The following TOGARAM1 variants were observed in gnomAD, a reference collection of about 807,000 sequenced individuals.
TOGARAM1 encodes the protein TOG array regulator of axonemal microtubules protein 1.
A neutral mutation model predicts 166.6 loss-of-function variants in TOGARAM1; 100 were observed. The observed-to-expected ratio is 0.60, with a 90% CI of 0.51 to 0.71. The LOEUF (loss-of-function observed/expected upper bound fraction) is 0.71, where lower values mean the gene tolerates loss of function less well. TOGARAM1 is among the 30% of genes least tolerant of loss of function. The probability of loss-of-function intolerance (pLI) is 0.00; values close to 1 mark genes in which losing one functional copy is unlikely to be tolerated. For missense variants in TOGARAM1, 2,029 were observed against 2,102.7 expected (o/e 0.96, Z 0.69); for synonymous variants, 758 against 763.8 (o/e 0.99, Z 0.13).
At chr14:44,997,706 A>G (rs1185776087) in intron 2 of TOGARAM1, among the ~76,000 whole-genome samples, 2 of 152,042 alleles carry the variant, frequency 1.3e-5, no homozygotes, top group Non-Finnish European at 2.9e-5. Context: ...ATAAATGACC[A>G]TATCATTTAG....
chr14:44,997,381 G>A (rs1425735355), intron 2 of TOGARAM1: 1 of 123,456 alleles, frequency 8.1e-6, no homozygotes, highest in African/African-American at 3.5e-5. Flanking sequence ...ACTCCAGCCT[G>A]GCAACAAAGC....
intron 1 of TOGARAM1, among the ~76,000 whole-genome samples, chr14:44,972,907 A>G (rs1885965834): frequency 6.6e-6 from 1 of 152,112 alleles, no homozygotes; most frequent in Non-Finnish European, 1.5e-5. Context: ...ATTTTGCTAT[A>G]ATGTTGATGA....
intron 1 of TOGARAM1, among the ~76,000 whole-genome samples, chr14:44,984,947 T>G (rs1331715803): frequency 6.6e-6 from 1 of 152,172 alleles, no homozygotes; most frequent in African/African-American, 2.4e-5. Flanking sequence ...AAATACAACT[T>G]TACCCAAATA....
intron 7 of TOGARAM1, among the ~76,000 whole-genome samples, chr14:45,017,195 A>T (rs1031027905): frequency 1.3e-5 from 2 of 152,154 alleles, no homozygotes; most frequent in Non-Finnish European, 2.9e-5. Context: ...AATTAGTGAG[A>T]ATTCTCAGTT....
chr14:45,070,677 G>A (rs1219455777), intron 18 of TOGARAM1, among the ~76,000 whole-genome samples: 1 of 152,146 alleles, frequency 6.6e-6, no homozygotes, highest in East Asian at 1.9e-4. Flanking sequence ...GTTATTAGTA[G>A]TTAAGTTTGG....
intron 1 of TOGARAM1, among the ~76,000 whole-genome samples, chr14:44,973,101 A>G (rs890614662): frequency 2.6e-5 from 4 of 151,986 alleles, no homozygotes; most frequent in Non-Finnish European, 5.9e-5. Flanking sequence ...TATCTACCAT[A>G]ATTGTTGTTT....
chr14:44,978,119 GAT>G (rs1886316330), intron 1 of TOGARAM1: 1 of 152,204 alleles, frequency 6.6e-6, no homozygotes, highest in African/African-American at 2.4e-5. Flanking sequence ...AGTTTTTAAA[GAT>G]ATGTGTATGG....
intron 1 of TOGARAM1, among the ~76,000 whole-genome samples, chr14:44,980,114 AC>A (rs1486960719): frequency 6.6e-6 from 1 of 152,200 alleles, no homozygotes; most frequent in Non-Finnish European, 1.5e-5. Flanking sequence ...TATGTATGTC[AC>A]ATATTCATGT....
intron 3 of TOGARAM1, among the ~76,000 whole-genome samples, chr14:45,001,536 G>A (rs779074285): frequency 1.3e-5 from 2 of 151,984 alleles, no homozygotes; most frequent in Non-Finnish European, 2.9e-5. Context: ...GAATATATAA[G>A]GAACTCAAAC....
At chr14:44,974,659 A>G (rs889647584) in intron 1 of TOGARAM1, among the ~76,000 whole-genome samples, 4 of 152,028 alleles carry the variant, frequency 2.6e-5, no homozygotes, top group Admixed American at 6.6e-5. Flanking sequence ...GAAGTGATCT[A>G]TAGTGCTTTA....
intron 7 of TOGARAM1, among the ~76,000 whole-genome samples, chr14:45,019,090 C>A (rs1009881231): frequency 2.6e-5 from 4 of 152,188 alleles, no homozygotes; most frequent in Admixed American, 2.0e-4. Flanking sequence ...TCTTCCTATA[C>A]CCATTTCTCT....
intron 5 of TOGARAM1, 76 bp from the exon 6 acceptor site, chr14:45,008,837 G>A (rs1396847952): frequency 1.6e-6 from 2 of 1,220,034 alleles, no homozygotes; most frequent in African/African-American, 1.5e-5. Context: ...AGCTAATGGA[G>A]TTTAAAATTT....
rs1285634808 is a variant in TOGARAM1 at position 45,032,430 on chromosome 14, AAT to A, written c.3812+57_3812+58del. 2.0e-6 allele frequency: 3 copies of A among 1,464,524 alleles called. No individual in the cohort carries two copies. In the East Asian group the frequency reaches 7.1e-5, roughly 35 times the overall value. The allele number at this position is 1,464,524 out of a possible 1,614,324, so 90.7% of individuals were successfully genotyped here. A position where few individuals can be genotyped will look rare whatever the true frequency, so the allele number is the denominator to read the frequency against. ...AAGCAGAGTTCAAAAGCTTTCTGTA[AAT>A]ATTTAATTAAAAATCTTGAAACACA... On this transcript the variant is annotated intron_variant, in intron 11 of 19. Transcript: ENST00000361462.
At chr14:44,972,675 A>G (rs1330488473) in intron 1 of TOGARAM1, among the ~76,000 whole-genome samples, 1 of 152,184 alleles carries the variant, frequency 6.6e-6, no homozygotes, top group Non-Finnish European at 1.5e-5. Context: ...TCTGAAATTA[A>G]TATAGCTACT....
Position 44,963,906 on chromosome 14 carries a change from C to A in TOGARAM1, c.1485C>A (p.Ile495=). 1 of 1,613,938 alleles carries A rather than the reference C, an allele frequency of 6.2e-7. No individual in the cohort carries two copies. Among genetic ancestry groups the A allele is most frequent in the Non-Finnish European group, 8.5e-7 (1 of 1,179,790 alleles). ...GAGAGGAGGTGGTGAACATTTGCAT[C>A]TGCTCCCTGCTGACCTATCCTAGTG... ...RVREEVVNIC[I]CSLLTYPSED... is the part of the protein sequence containing the mutation. The change falls in exon 1 of 20, where the codon ATC becomes ATA. Residue 495 remains isoleucine (I), a synonymous_variant. Coordinates refer to ENST00000361462, the MANE Select transcript of TOGARAM1 (RefSeq NM_001308120.2).
chr14:45,058,063 A>G (rs1882725301), intron 16 of TOGARAM1, among the ~76,000 whole-genome samples: 1 of 152,144 alleles, frequency 6.6e-6, no homozygotes, highest in African/African-American at 2.4e-5. Flanking sequence ...TCAAAACAGG[A>G]TTGTTTTGCT....
At chr14:45,016,969 G>A (rs1880182341) in intron 7 of TOGARAM1, among the ~76,000 whole-genome samples, 1 of 152,146 alleles carries the variant, frequency 6.6e-6, no homozygotes, top group Admixed American at 6.6e-5. Context: ...AACATCCAGT[G>A]TAAGCATAAT....
At chr14:45,037,664 A>G (rs544558768) in intron 11 of TOGARAM1, among the ~76,000 whole-genome samples, 1 of 152,312 alleles carries the variant, frequency 6.6e-6, no homozygotes, top group South Asian at 2.1e-4. Flanking sequence ...GCAAGGAGAA[A>G]TAAATCTCTA....
chr14:45,045,941 T>C (rs1594688769), intron 13 of TOGARAM1, among the ~76,000 whole-genome samples: 3 of 151,992 alleles, frequency 2.0e-5, no homozygotes, highest in African/African-American at 7.2e-5. Context: ...ATGGTAGATC[T>C]ACTTTTAGCT....
Sources: gnomAD v4.1 joint callset for allele counts (sites outside exome capture counted in the v4.1 genomes callset) on GRCh38, gnomAD v4.1.1 for gene constraint, MANE v1.5 for transcripts, NCBI Gene and HGNC (gene_info 2026-07-23, HGNC 2026-07-21) for gene names.